The following HHLA2 variants were observed in gnomAD, a reference collection of about 807,000 sequenced individuals.
HHLA2 encodes HHLA2 member of B7 family.
A neutral mutation model predicts 45.9 loss-of-function variants in HHLA2; 48 were observed. That is an observed-to-expected ratio of 1.05 (90% CI 0.83 to 1.33). The LOEUF (loss-of-function observed/expected upper bound fraction) is 1.33. HHLA2 is among the 40% of genes most tolerant of loss of function. HHLA2 has a pLI of 0.00. For missense variants in HHLA2, 462 were observed against 494.3 expected, an observed-to-expected ratio of 0.93 and a Z score of 0.62; for synonymous variants, 161 against 173.9, an observed-to-expected ratio of 0.93 and a Z score of 0.59.
chr3:108,325,032 G>T (rs2081264161), intron 2 of HHLA2, among the ~76,000 whole-genome samples: 2 of 152,030 alleles, frequency 1.3e-5, no homozygotes, highest in South Asian at 4.2e-4. Flanking sequence ...CCCTTCTAAA[G>T]TCTTAAGCCA....
At chr3:108,351,815 T>C (rs992968730) in exon 4 of HHLA2, 7 of 1,612,536 alleles carry the variant, frequency 4.3e-6, no homozygotes, top group South Asian at 3.3e-5. Context: ...GCACAAGACA[T>C]GAAGGCACAG....
intron 2 of HHLA2, chr3:108,326,020 C>A: frequency 3.2e-6 from 1 of 309,640 alleles, no homozygotes; most frequent in East Asian, 9.1e-5. Context: ...CAAAGCCCCT[C>A]TTCTTGCCAC....
intron 3 of HHLA2, among the ~76,000 whole-genome samples, chr3:108,342,645 G>C (rs1356330766): frequency 6.6e-6 from 1 of 152,158 alleles, no homozygotes; most frequent in African/African-American, 2.4e-5. Flanking sequence ...TAGCTTTCTA[G>C]TATGGCTTAA....
intron 2 of HHLA2, among the ~76,000 whole-genome samples, chr3:108,324,280 G>A (rs1263906505): frequency 1.3e-5 from 2 of 152,088 alleles, no homozygotes. Context: ...GTGAATACAA[G>A]CATATATATG....
rs572322565 is a variant in HHLA2 at position 108,355,911 on chromosome 3, G to A, written c.685+530G>A. On this transcript the variant is annotated intron_variant, in intron 6 of 10. Transcript: ENST00000619531. ...TATCACAACATGGTCAGTTTTTAGC[G>A]CTCGTTCCTCTCATTTATTTGAACA... Among the ~76,000 whole-genome samples the A allele has an allele frequency of 4.0e-5, 6 of 151,880 alleles. No individual in the cohort carries two copies. In the South Asian group the frequency reaches 8.3e-4, roughly 21 times the overall value.
intron 8 of HHLA2, among the ~76,000 whole-genome samples, chr3:108,370,373 G>A (rs950927882): frequency 6.6e-6 from 1 of 152,094 alleles, no homozygotes; most frequent in African/African-American, 2.4e-5. Flanking sequence ...CACAAAGATG[G>A]GGAAAAAACA....
intron 10 of HHLA2, chr3:108,376,859 T>C (rs571712006): frequency 5.9e-6 from 2 of 338,448 alleles, no homozygotes; most frequent in African/African-American, 2.1e-5. Context: ...CTTATTCTTA[T>C]GATAGAAGCA....
intron 8 of HHLA2, among the ~76,000 whole-genome samples, chr3:108,364,157 C>T (rs888209390): frequency 2.0e-5 from 3 of 152,072 alleles, no homozygotes; most frequent in African/African-American, 7.2e-5. Flanking sequence ...CCTCATCCTC[C>T]AACAGGCCCC....
chr3:108,320,866 C>T (rs1267733235), intron 2 of HHLA2, among the ~76,000 whole-genome samples: 1 of 152,028 alleles, frequency 6.6e-6, no homozygotes, highest in African/African-American at 2.4e-5. Context: ...GTACTAACCA[C>T]GTGATCAGTG....
chr3:108,375,180 G>A (rs528620889), intron 8 of HHLA2, among the ~76,000 whole-genome samples: 1 of 152,068 alleles, frequency 6.6e-6, no homozygotes, highest in East Asian at 1.9e-4. Flanking sequence ...GTCCTTTGTA[G>A]GGACATGGAT....
chr3:108,315,973 A>G (rs2107326450), intron 2 of HHLA2, among the ~76,000 whole-genome samples: 1 of 152,154 alleles, frequency 6.6e-6, no homozygotes, highest in East Asian at 1.9e-4. Context: ...AAATGTCAGC[A>G]TTTTATTTCA....
At chr3:108,373,060 C>T (rs1012887461) in intron 8 of HHLA2, among the ~76,000 whole-genome samples, 1 of 152,186 alleles carries the variant, frequency 6.6e-6, no homozygotes, top group Non-Finnish European at 1.5e-5. Flanking sequence ...CCTTGATGAA[C>T]ATTGATGCAA....
rs1005193680 is a variant in HHLA2 at position 108,351,782 on chromosome 3, T to C, written c.-26-6T>C. Reference sequence around the variant, plus strand: ...ATAACATGTGCACTTTACTTCTCTTTGATAGCATGACTAATATGTTCTGCA... The same window carrying C: ...ATAACATGTGCACTTTACTTCTCTTCGATAGCATGACTAATATGTTCTGCA... On this transcript the variant is annotated splice_region_variant and splice_polypyrimidine_tract_variant and intron_variant, in intron 3 of 10. Coordinates refer to ENST00000619531, the Ensembl canonical transcript of HHLA2. 2 of 1,600,610 alleles carry C rather than the reference T, an allele frequency of 1.2e-6. No individual in the cohort carries two copies. The highest frequency in any genetic ancestry group is 3.4e-5 in the Admixed American group (2 of 59,414).
chr3:108,304,071 A>G (rs773918153), intron 1 of HHLA2, among the ~76,000 whole-genome samples: 2 of 152,172 alleles, frequency 1.3e-5, no homozygotes, highest in Non-Finnish European at 2.9e-5. Context: ...GTAGTGTTCT[A>G]AAGGGGAATG....
chr3:108,330,314 A>G (rs2081361233), intron 3 of HHLA2, among the ~76,000 whole-genome samples: 1 of 152,212 alleles, frequency 6.6e-6, no homozygotes, highest in Admixed American at 6.5e-5. Flanking sequence ...GGACCACTGC[A>G]GGCAGAACTC....
chr3:108,369,454 T>C (rs2082127055), intron 8 of HHLA2, among the ~76,000 whole-genome samples: 1 of 152,108 alleles, frequency 6.6e-6, no homozygotes, highest in Non-Finnish European at 1.5e-5. Flanking sequence ...GGGGAGTGCC[T>C]GACAGTGGGT....
intron 6 of HHLA2, 100 bp from the exon 6 acceptor site, chr3:108,357,744 C>A: frequency 1.1e-6 from 1 of 911,758 alleles, no homozygotes. Context: ...CCAAATATAT[C>A]AGTATTAGTG....
intron 7 of HHLA2, among the ~76,000 whole-genome samples, chr3:108,361,617 A>T (rs947172260): frequency 1.3e-5 from 2 of 152,218 alleles, no homozygotes; most frequent in Non-Finnish European, 2.9e-5. Flanking sequence ...TCTTCTACCT[A>T]TAAAACTGTG....
At chr3:108,313,862 G>A (rs1448104857) in intron 2 of HHLA2, among the ~76,000 whole-genome samples, 1 of 152,310 alleles carries the variant, frequency 6.6e-6, no homozygotes, top group South Asian at 2.1e-4. Context: ...TCGAAGCTAA[G>A]AGTGTTCAGG....
Sources: allele counts gnomAD v4.1 joint callset (sites outside exome capture counted in the v4.1 genomes callset), GRCh38; gene constraint gnomAD v4.1.1; transcripts MANE v1.5; gene names NCBI Gene and HGNC (gene_info 2026-07-23, HGNC 2026-07-21).